Variants in EVC2 observed in about 807,000 individuals in gnomAD.
EVC2 encodes EvC ciliary complex subunit 2, also known as limbin.
In EVC2, 148 loss-of-function variants were observed where a neutral mutation model predicts 149.3. The observed-to-expected ratio is 0.99, with a 90% CI of 0.87 to 1.14. The LOEUF (loss-of-function observed/expected upper bound fraction) is 1.14, where lower values mean the gene tolerates loss of function less well. Among genes scored for constraint, EVC2 ranks in the 50% most tolerant of loss-of-function variants. EVC2 has a pLI of 0.00. For missense variants in EVC2, 1,854 were observed against 1,627.3 expected, an observed-to-expected ratio of 1.14 and a Z score of -2.40; for synonymous variants, 776 against 649.9, an observed-to-expected ratio of 1.19 and a Z score of -2.95.
chr4:5,677,271 G>A lies in EVC2; in HGVS notation c.870+3989C>T, dbSNP rs1422866122. ...CCTCAGAGGTAAGTGACGTGCCCAA[G>A]CTCACATGCAATCAGTGGAGGGACA... On this transcript the variant is annotated intron_variant, in intron 7 of 21. Coordinates refer to ENST00000344408, the MANE Select transcript of EVC2 (RefSeq NM_147127.5). The surrounding 1 kb of genome is among the most constrained non-coding windows in gnomAD (Gnocchi z 4.3). 6.6e-6 allele frequency among the ~76,000 whole-genome samples: 1 copy of A among 152,174 alleles called. No individual in the cohort carries two copies. The highest frequency in any genetic ancestry group is 1.5e-5 in the Non-Finnish European group (1 of 68,028).
intron 19 of EVC2, among the ~76,000 whole-genome samples, chr4:5,572,289 C>T (rs1722686873): frequency 6.6e-6 from 1 of 152,182 alleles, no homozygotes; most frequent in African/African-American, 2.4e-5. Context: ...CAGCAGAGTG[C>T]TATTGTTTGA....
At chr4:5,592,282 A>G (rs1647027249) in intron 16 of EVC2, among the ~76,000 whole-genome samples, 1 of 152,220 alleles carries the variant, frequency 6.6e-6, no homozygotes, top group African/African-American at 2.4e-5. Context: ...CCCAGAGAGA[A>G]GGGGGCTGAG....
the EVC2 span, among the ~76,000 whole-genome samples, chr4:5,532,052 A>G: frequency 6.6e-6 from 1 of 152,128 alleles, no homozygotes; most frequent in Non-Finnish European, 1.5e-5. Flanking sequence ...TCATGGGTTT[A>G]ACTAAATTTT....
chr4:5,530,910 C>T, the EVC2 span, among the ~76,000 whole-genome samples: 2 of 152,200 alleles, frequency 1.3e-5, no homozygotes, highest in African/African-American at 4.8e-5. Flanking sequence ...CCACACTCAC[C>T]TAGCAAGCTA....
intron 1 of EVC2, among the ~76,000 whole-genome samples, chr4:5,699,045 C>T (rs1316144654): frequency 1.3e-5 from 2 of 152,158 alleles, no homozygotes; most frequent in Non-Finnish European, 2.9e-5. Context: ...CTGGCTGGGG[C>T]AGTTCTGCTG....
chr4:5,699,752 G>A (rs11736144), intron 1 of EVC2, among the ~76,000 whole-genome samples: 16,986 of 151,834 alleles, frequency 0.11, 1,038 homozygotes, highest in African/African-American at 0.16. Flanking sequence ...GAGCCCAGGA[G>A]GTCGAGGCTG....
intron 15 of EVC2, 102 bp from the exon 16 acceptor site, chr4:5,615,646 C>A: frequency 6.5e-7 from 1 of 1,527,848 alleles, no homozygotes; most frequent in Non-Finnish European, 9.0e-7. Context: ...TCTGCAGCTC[C>A]CAGAACTGCA....
At chr4:5,563,567 C>G (rs1241905666) in intron 21 of EVC2, among the ~76,000 whole-genome samples, 2 of 152,152 alleles carry the variant, frequency 1.3e-5, no homozygotes, top group Non-Finnish European at 2.9e-5. Flanking sequence ...GTCTTGGTCT[C>G]TTGACTTCAT....
At chr4:5,650,638 T>TATATATATATATAG (rs1162935817) in intron 9 of EVC2, among the ~76,000 whole-genome samples, 1 of 45,100 alleles carries the variant, frequency 2.2e-5, no homozygotes, top group Non-Finnish European at 4.0e-5. Context: ...TATATATATA[T>TATATATATATATAG]AGAGAGAGAG....
chr4:5,663,877 C>A (rs774989371), intron 8 of EVC2, among the ~76,000 whole-genome samples: 1 of 152,060 alleles, frequency 6.6e-6, no homozygotes, highest in Non-Finnish European at 1.5e-5. Context: ...GCCGAGATTG[C>A]GCCACTGCAC....
rs376198795 is a variant in EVC2 at position 5,663,282 on chromosome 4, C to A, written c.1006-36G>T. ...ATTGCGGAAATAATAATTGATTGGG[C>A]CTTCTTGTGAATTCCACGTGCTGAG... On this transcript the variant is annotated intron_variant, in intron 8 of 21. Coordinates refer to ENST00000344408, the MANE Select transcript of EVC2 (RefSeq NM_147127.5). 5.6e-6 allele frequency: 9 copies of A among 1,613,034 alleles called. No homozygotes were observed. The African/African-American group carries it at 1.2e-4, about 22-fold the overall frequency.
chr4:5,544,435 C>T (rs529544571), intron 21 of EVC2, among the ~76,000 whole-genome samples: 5 of 152,272 alleles, frequency 3.3e-5, no homozygotes, highest in African/African-American at 4.8e-5. Flanking sequence ...CATGCACGCA[C>T]ACAAGAGGTG....
chr4:5,579,695 G>T (rs1484737962), intron 17 of EVC2, among the ~76,000 whole-genome samples: 1 of 152,142 alleles, frequency 6.6e-6, no homozygotes, highest in Non-Finnish European at 1.5e-5. Flanking sequence ...TACAAAATTA[G>T]CTGGGCATGA....
chr4:5,545,453 A>T (rs958102361), intron 21 of EVC2, among the ~76,000 whole-genome samples: 15 of 152,150 alleles, frequency 9.9e-5, no homozygotes, highest in Non-Finnish European at 1.6e-4. Context: ...TAAAAATGAG[A>T]ACAGTAACAG....
At chr4:5,584,439 TA>T (rs1156845482) in intron 17 of EVC2, among the ~76,000 whole-genome samples, 183 bp downstream of exon 17, 1 of 152,140 alleles carries the variant, frequency 6.6e-6, no homozygotes, top group Non-Finnish European at 1.5e-5. Flanking sequence ...AGCAATGAAA[TA>T]GAGCCATCTT....
chr4:5,566,222 G>C (rs1722281142), intron 20 of EVC2, among the ~76,000 whole-genome samples: 1 of 152,214 alleles, frequency 6.6e-6, no homozygotes, highest in Non-Finnish European at 1.5e-5. Context: ...GTGTTGCCCG[G>C]GACAGTGGGA....
intron 9 of EVC2, among the ~76,000 whole-genome samples, chr4:5,648,285 C>G (rs564115465): frequency 6.6e-6 from 1 of 152,162 alleles, no homozygotes; most frequent in Non-Finnish European, 1.5e-5. Flanking sequence ...AGACCTGTAT[C>G]GGAGTTTGAC....
intron 2 of EVC2, among the ~76,000 whole-genome samples, chr4:5,695,879 T>C (rs560844843): frequency 2.0e-5 from 3 of 152,154 alleles, no homozygotes; most frequent in African/African-American, 7.2e-5. Flanking sequence ...GGAAAAAAAC[T>C]AAAATCTGAT....
intron 16 of EVC2, among the ~76,000 whole-genome samples, chr4:5,592,815 G>C (rs1367641643): frequency 6.6e-6 from 1 of 152,190 alleles, no homozygotes; most frequent in Non-Finnish European, 1.5e-5. Context: ...AGGTCACTGT[G>C]CATGTGAACA....
Sources: allele counts gnomAD v4.1 joint callset (sites outside exome capture counted in the v4.1 genomes callset), GRCh38; gene constraint gnomAD v4.1.1; non-coding constraint Gnocchi (gnomAD v3.1); transcripts MANE v1.5; gene names NCBI Gene and HGNC (gene_info 2026-07-23, HGNC 2026-07-21).